Variants in GPR173 observed in about 807,000 individuals in gnomAD.
The protein encoded by GPR173 is probable G protein-coupled receptor 173.
In GPR173, 2 loss-of-function variants were observed where a neutral mutation model predicts 13.9. That is an observed-to-expected ratio of 0.14 (90% confidence interval 0.06 to 0.45). GPR173 has a LOEUF of 0.45. Ranked by LOEUF, GPR173 falls within the 20% of genes least tolerant of loss-of-function variation. GPR173 has a pLI of 0.98. For synonymous variants in GPR173, 131 were observed against 141.0 expected, an observed-to-expected ratio of 0.93 and a Z score of 0.50; for missense variants, 202 against 340.5, an observed-to-expected ratio of 0.59 and a Z score of 3.20.
chrX:53,057,796 AAAAG>A (rs1932060733), intron 1 of GPR173, among the ~76,000 whole-genome samples: 1 of 112,057 alleles, frequency 8.9e-6, no homozygotes, highest in Non-Finnish European at 1.9e-5. Context: ...AAACAGAAGG[AAAAG>A]AAAGAAAGAG....
chrX:53,053,743 C>T (rs1055361535), intron 1 of GPR173, among the ~76,000 whole-genome samples: 3 of 112,775 alleles, frequency 2.7e-5, no homozygotes, highest in African/African-American at 9.7e-5. Flanking sequence ...CCCTGCGAGA[C>T]TATGTCTGTC....
At chrX:53,064,084 C>T (rs1225273767) in intron 1 of GPR173, among the ~76,000 whole-genome samples, 1 of 111,512 alleles carries the variant, frequency 9.0e-6, no homozygotes, top group Non-Finnish European at 1.9e-5. Context: ...CACCCTTAAC[C>T]CTCTATTTAT....
At chrX:53,067,896 C>T (rs1932207783) in intron 1 of GPR173, among the ~76,000 whole-genome samples, 1 of 110,317 alleles carries the variant, frequency 9.1e-6, no homozygotes, top group Admixed American at 9.7e-5. Flanking sequence ...TATTGTTGGG[C>T]TTCATTCATT....
chrX:53,053,604 TGAGA>T (rs1366665623), intron 1 of GPR173, among the ~76,000 whole-genome samples: 2 of 113,161 alleles, frequency 1.8e-5, no homozygotes, highest in Non-Finnish European at 3.7e-5. Flanking sequence ...TCAGTCGATG[TGAGA>T]GAGAGATACT....
intron 1 of GPR173, among the ~76,000 whole-genome samples, chrX:53,075,126 T>C (rs1932411255): frequency 9.3e-6 from 1 of 107,937 alleles, no homozygotes; most frequent in South Asian, 4.1e-4. Flanking sequence ...CCTGACTCAC[T>C]GTGTTCCACC....
chrX:53,073,853 TA>T (rs1435039170), intron 1 of GPR173, among the ~76,000 whole-genome samples: 1 of 57,970 alleles, frequency 1.7e-5, no homozygotes, highest in Admixed American at 3.0e-4. Context: ...TTTATATATA[TA>T]AATTTATATA....
In GPR173 at chrX:53,077,968, G is replaced by A. The variant is rs1036310929; in HGVS notation, c.*225G>A. ...ATTTAGTTTTGTGGGGCCTGTCTCC[G>A]CTGCCTCCTTCTCCACTTCTACAAT... On this transcript the variant is annotated 3_prime_UTR_variant, in exon 2 of 2. Transcript: ENST00000332582. The A allele has an allele frequency of 5.5e-5, 22 of 401,205 alleles. No homozygotes were observed. Among genetic ancestry groups the A allele is most frequent in the South Asian group, 2.2e-4 (4 of 18,275 alleles). 33.1% of individuals were successfully genotyped at this position (401,205 alleles called of 1,213,427 possible).
At chrX:53,059,408 T>C (rs1932089347) in intron 1 of GPR173, among the ~76,000 whole-genome samples, 1 of 107,965 alleles carries the variant, frequency 9.3e-6, no homozygotes, top group Non-Finnish European at 1.9e-5. Flanking sequence ...TTTTGTTAAA[T>C]ACAATTTTTT....
intron 1 of GPR173, among the ~76,000 whole-genome samples, chrX:53,067,489 C>T (rs1602092206): frequency 8.9e-6 from 1 of 112,118 alleles, no homozygotes; most frequent in South Asian, 3.6e-4. Context: ...GTCAGCAGAC[C>T]TCTGTGAGTT....
In GPR173 at chrX:53,060,682, C is replaced by A. The variant is rs782421385; in HGVS notation, c.-98+11198C>A. On this transcript the variant is annotated intron_variant, in intron 1 of 1. Coordinates refer to ENST00000332582, the MANE Select transcript of GPR173 (RefSeq NM_018969.6). ...TTGGGGCACCCCTACAGCCCTTCAC[C>A]CCTGCCCCGCGCCCCTTACCCGTCT... 5.6e-5 allele frequency among the ~76,000 whole-genome samples: 6 copies of A among 107,605 alleles called. No homozygotes were observed. In the South Asian group the frequency reaches 1.7e-3, roughly 30 times the overall value. The allele number at this position is 107,605 out of a possible 115,157, so 93.4% of individuals were successfully genotyped here. A position where few individuals can be genotyped will look rare whatever the true frequency, so the allele number is the denominator to read the frequency against.
intron 1 of GPR173, among the ~76,000 whole-genome samples, chrX:53,060,197 T>C (rs1932104172): frequency 9.2e-6 from 1 of 108,974 alleles, no homozygotes; most frequent in Admixed American, 9.9e-5. Context: ...TCGCCCAGGC[T>C]GGAGTGCAGC....
At chrX:53,064,728 A>G (rs1349004981) in intron 1 of GPR173, among the ~76,000 whole-genome samples, 1 of 111,421 alleles carries the variant, frequency 9.0e-6, no homozygotes, top group Non-Finnish European at 1.9e-5. Context: ...TGACAAAGAG[A>G]GAAGGGAAGT....
intron 1 of GPR173, among the ~76,000 whole-genome samples, chrX:53,071,857 AGTGT>A (rs1191127902): frequency 2.7e-5 from 3 of 110,314 alleles, no homozygotes; most frequent in African/African-American, 9.9e-5. Context: ...CGTATGTGTG[AGTGT>A]GTGTGTGTAT....
At chrX:53,069,336 C>T (rs1932228865) in intron 1 of GPR173, among the ~76,000 whole-genome samples, 1 of 108,974 alleles carries the variant, frequency 9.2e-6, no homozygotes, top group Admixed American at 9.8e-5. Flanking sequence ...ATAGGCCAAA[C>T]TCCAAAACCT....
intron 1 of GPR173, among the ~76,000 whole-genome samples, chrX:53,075,084 C>A (rs2146685659): frequency 9.3e-6 from 1 of 107,002 alleles, no homozygotes; most frequent in Admixed American, 1.1e-4. Flanking sequence ...CTGACCTCAC[C>A]ACCTTTCTGA....
intron 1 of GPR173, among the ~76,000 whole-genome samples, chrX:53,074,894 C>T (rs886673530): frequency 6.8e-5 from 7 of 102,859 alleles, no homozygotes; most frequent in Non-Finnish European, 1.4e-4. Flanking sequence ...ACCTGGATTG[C>T]TGCAGGGGCC....
intron 1 of GPR173, 126 bp from the exon 2 acceptor site, chrX:53,076,397 CTT>C (rs1489948283): frequency 1.8e-5 from 6 of 341,157 alleles, no homozygotes; most frequent in African/African-American, 2.6e-5. Flanking sequence ...CTCTTTCCCA[CTT>C]TGTCTCTGCA....
At chrX:53,058,478 G>C (rs782073694) in intron 1 of GPR173, among the ~76,000 whole-genome samples, 1 of 110,278 alleles carries the variant, frequency 9.1e-6, no homozygotes, top group South Asian at 3.8e-4. Context: ...GGGCTAGTGT[G>C]CATCTGAGGG....
At chrX:53,075,427 G>A (rs782624313) in intron 1 of GPR173, among the ~76,000 whole-genome samples, 18 of 102,150 alleles carry the variant, frequency 1.8e-4, no homozygotes, top group African/African-American at 5.1e-4. Flanking sequence ...TACTTCACCC[G>A]TGTCTCTTCT....
Sources: allele counts gnomAD v4.1 joint callset (sites outside exome capture counted in the v4.1 genomes callset), GRCh38; gene constraint gnomAD v4.1.1; transcripts MANE v1.5; gene names NCBI Gene and HGNC (gene_info 2026-07-23, HGNC 2026-07-21).